PDE8A: variants seen among roughly 807,000 people sequenced by gnomAD.
PDE8A encodes the protein high affinity cAMP-specific and IBMX-insensitive 3',5'-cyclic phosphodiesterase 8A.
PDE8A carries 59 observed loss-of-function variants against 105.0 expected under a neutral mutation model. The ratio of observed to expected loss-of-function variants is 0.56; its 90% CI spans 0.46 to 0.70. The LOEUF (loss-of-function observed/expected upper bound fraction) is 0.70. PDE8A is among the 30% of genes least tolerant of loss of function. The pLI is 0.00. For missense variants in PDE8A, 1,014 were observed against 1,045.9 expected, an observed-to-expected ratio of 0.97 and a Z score of 0.42; for synonymous variants, 355 against 371.9, an observed-to-expected ratio of 0.95 and a Z score of 0.52.
intron 8 of PDE8A, among the ~76,000 whole-genome samples, chr15:85,093,220 A>G (rs2081678300): frequency 2.6e-5 from 4 of 152,250 alleles, no homozygotes; most frequent in East Asian, 1.9e-4. Context: ...CTTTATTTCT[A>G]AAAAGAGCCT....
rs567110015 is a variant in PDE8A at position 85,114,741 on chromosome 15, A to G, written c.1351-698A>G. Among the ~76,000 whole-genome samples the G allele has an allele frequency of 2.0e-5, 3 of 152,324 alleles. No individual in the cohort carries two copies. In the South Asian group the frequency reaches 6.2e-4, roughly 32 times the overall value. On this transcript the variant is annotated intron_variant, in intron 14 of 21. Coordinates refer to ENST00000394553, the MANE Select transcript of PDE8A (RefSeq NM_002605.3). ...GGTTCCAGGCAGAAATCTAGAAGGT[A>G]GAGTGTTTACAATGCTGATAATATC...
intron 1 of PDE8A, among the ~76,000 whole-genome samples, chr15:84,983,076 C>T (rs183648521): frequency 6.6e-6 from 1 of 152,220 alleles, no homozygotes; most frequent in Admixed American, 6.5e-5. Context: ...TCTTCTCCAG[C>T]GCATGTTGCC....
rs370982843 is a variant in PDE8A at position 84,988,535 on chromosome 15, C to A, written c.186+6187C>A. ...GTCTGAAATGAGTTGGGAGGGCATC[C>A]CTTGGGAGTTTTTTTCCTTTCCCCT... On this transcript the variant is annotated intron_variant, in intron 1 of 21. Transcript: ENST00000394553. Among the ~76,000 whole-genome samples, 25 of 152,250 alleles carry A rather than the reference C, an allele frequency of 1.6e-4. No individual in the cohort carries two copies. The South Asian group carries it at 5.2e-3, about 32-fold the overall frequency.
At chr15:85,031,393 C>T (rs924649794) in intron 1 of PDE8A, among the ~76,000 whole-genome samples, 4 of 152,144 alleles carry the variant, frequency 2.6e-5, no homozygotes, top group Non-Finnish European at 5.9e-5. Context: ...CGTCAAAAAC[C>T]CTGCCATTGC....
chr15:85,033,591 G>A (rs1424616196), intron 1 of PDE8A, among the ~76,000 whole-genome samples: 1 of 152,170 alleles, frequency 6.6e-6, no homozygotes, highest in Non-Finnish European at 1.5e-5. Context: ...CAAGCCAGGC[G>A]TGGTGGCTCA....
In PDE8A at chr15:85,120,910, C is replaced by T; in HGVS notation, c.1848C>T (p.Ala616=). ...SFLCNAGSEL[A]ILYNDTAVLE... is the part of the protein sequence containing the mutation. ...TGTGTAATGCTGGAAGTGAGCTGGCCATTTTGTACAATGACACTGCTGTGC... is the reference window on the plus strand; with the variant it reads ...TGTGTAATGCTGGAAGTGAGCTGGCTATTTTGTACAATGACACTGCTGTGC... The change falls in exon 18 of 22, where the codon GCC becomes GCT. Residue 616 remains alanine (A), a synonymous_variant. Coordinates refer to ENST00000394553, the MANE Select transcript of PDE8A (RefSeq NM_002605.3). The T allele has an allele frequency of 6.2e-7, 1 of 1,614,054 alleles. No individual in the cohort carries two copies. The highest frequency in any genetic ancestry group is 2.2e-5 in the East Asian group (1 of 44,880).
rs1200797892 is a variant in PDE8A at position 84,982,245 on chromosome 15, C to G, written c.83C>G (p.Ser28Cys). ...AGCCCCGCGGCACCGCCGCTGTCGT[C>G]CGGCGGGCCGCGCCTCCCGCAGGGC... Reference protein sequence around the residue: ...APSPAAPPLSSGGPRLPQGQK... With the variant: ...APSPAAPPLSCGGPRLPQGQK... The change falls in exon 1 of 22, where the codon TCC (serine) becomes TGC (cysteine). Residue 28 changes from serine to cysteine, a missense_variant. By Grantham distance (112) the Ser-to-Cys change is moderately radical. Transcript: ENST00000394553. 2.1e-6 allele frequency: 3 copies of G among 1,461,502 alleles called. No homozygotes were observed. The highest frequency in any genetic ancestry group is 2.7e-6 in the Non-Finnish European group (3 of 1,115,606). The allele number at this position is 1,461,502 out of a possible 1,614,324, so 90.5% of individuals were successfully genotyped here. A position where few individuals can be genotyped will look rare whatever the true frequency, so the allele number is the denominator to read the frequency against.
chr15:85,019,117 T>C (rs1034908988), intron 1 of PDE8A, among the ~76,000 whole-genome samples: 5 of 152,210 alleles, frequency 3.3e-5, no homozygotes, highest in African/African-American at 1.2e-4. Flanking sequence ...CAGTTCACTA[T>C]TGTGAACTTG....
chr15:85,057,979 G>A (rs1408432155), intron 1 of PDE8A, among the ~76,000 whole-genome samples: 1 of 152,112 alleles, frequency 6.6e-6, no homozygotes, highest in Non-Finnish European at 1.5e-5. Context: ...GTGTTTATAA[G>A]GGATATTGGC....
intron 1 of PDE8A, among the ~76,000 whole-genome samples, chr15:85,036,638 A>G (rs890507868): frequency 6.6e-6 from 1 of 152,156 alleles, no homozygotes; most frequent in Non-Finnish European, 1.5e-5. Context: ...TCAGGCTGAG[A>G]GGACTCCAGC....
intron 1 of PDE8A, among the ~76,000 whole-genome samples, chr15:85,061,589 T>C (rs1377605487): frequency 6.6e-6 from 1 of 152,192 alleles, no homozygotes; most frequent in Non-Finnish European, 1.5e-5. Flanking sequence ...TTCATTATAA[T>C]GTGTCTTGAT....
chr15:84,999,330 AGGC>A (rs2080029196), intron 1 of PDE8A, among the ~76,000 whole-genome samples: 1 of 152,132 alleles, frequency 6.6e-6, no homozygotes, highest in African/African-American at 2.4e-5. Context: ...CATGTTGGCC[AGGC>A]CTGGTCTTTG....
At chr15:85,083,183 C>A (rs1443747467) in intron 5 of PDE8A, among the ~76,000 whole-genome samples, 1 of 152,206 alleles carries the variant, frequency 6.6e-6, no homozygotes, top group Non-Finnish European at 1.5e-5. Context: ...GTTGAATATA[C>A]TCTGAAAGCC....
intron 3 of PDE8A, among the ~76,000 whole-genome samples, chr15:85,072,907 G>C (rs1056012280): frequency 1.3e-5 from 2 of 152,152 alleles, no homozygotes; most frequent in Non-Finnish European, 2.9e-5. Context: ...GAGCCCAGGA[G>C]TTCGAGACCA....
chr15:85,020,026 G>A (rs1055096796), intron 1 of PDE8A, among the ~76,000 whole-genome samples: 4 of 147,092 alleles, frequency 2.7e-5, no homozygotes, highest in African/African-American at 1.0e-4. Context: ...TTTGCAGGCC[G>A]GGTGGTTGGT....
chr15:84,986,358 G>A (rs1241320198), intron 1 of PDE8A, among the ~76,000 whole-genome samples: 1 of 152,116 alleles, frequency 6.6e-6, no homozygotes. Flanking sequence ...ACATTCTCTA[G>A]TTGGTCCATT....
chr15:85,073,138 A>G (rs972456782), intron 3 of PDE8A, among the ~76,000 whole-genome samples: 7 of 152,026 alleles, frequency 4.6e-5, no homozygotes, highest in Non-Finnish European at 1.0e-4. Flanking sequence ...GTGGGTGGGG[A>G]CTTCCCTGAG....
intron 1 of PDE8A, among the ~76,000 whole-genome samples, chr15:85,019,444 G>A (rs1331282588): frequency 6.6e-6 from 1 of 152,052 alleles, no homozygotes; most frequent in Non-Finnish European, 1.5e-5. Context: ...TAAAGAAATG[G>A]GGTCTCGCTG....
At chr15:85,008,619 C>A (rs1649392171) in intron 1 of PDE8A, among the ~76,000 whole-genome samples, 1 of 152,130 alleles carries the variant, frequency 6.6e-6, no homozygotes, top group African/African-American at 2.4e-5. Context: ...CCTGCCAGTA[C>A]TCCAGCTTCC....
Sources: gnomAD v4.1 joint callset for allele counts (sites outside exome capture counted in the v4.1 genomes callset) on GRCh38, gnomAD v4.1.1 for gene constraint, MANE v1.5 for transcripts, NCBI Gene and HGNC (gene_info 2026-07-23, HGNC 2026-07-21) for gene names.